Variants in HTR1F observed in about 807,000 individuals in gnomAD.
HTR1F encodes 5-hydroxytryptamine (serotonin) receptor 1F, G protein-coupled.
A neutral mutation model predicts 24.0 loss-of-function variants in HTR1F; 17 were observed. The observed-to-expected ratio is 0.71, with a 90% CI of 0.48 to 1.06. The LOEUF (loss-of-function observed/expected upper bound fraction) is 1.06, where lower values mean the gene tolerates loss of function less well. HTR1F is among the 50% of genes least tolerant of loss of function. HTR1F has a pLI of 0.00. For synonymous variants in HTR1F, 186 were observed against 156.8 expected (o/e 1.19, Z -1.39); for missense variants, 391 against 427.8 (o/e 0.91, Z 0.76).
chr3:87,843,857 G>A (rs536005909), intron 2 of HTR1F, among the ~76,000 whole-genome samples: 18 of 151,656 alleles, frequency 1.2e-4, no homozygotes, highest in Non-Finnish European at 2.4e-4. Context: ...GGACATGAAC[G>A]CATCATTTTT....
At chr3:87,907,373 A>AT (rs35373313) in intron 2 of HTR1F, among the ~76,000 whole-genome samples, 47,215 of 146,178 alleles carry the variant, frequency 0.32, 7,871 homozygotes, top group African/African-American at 0.45. Context: ...TTTTGAAGGG[A>AT]TTTTTTTTTT....
chr3:87,932,170 G>C (rs1704292161), intron 2 of HTR1F, among the ~76,000 whole-genome samples: 1 of 151,994 alleles, frequency 6.6e-6, no homozygotes, highest in Non-Finnish European at 1.5e-5. Context: ...GGGTTTTTAT[G>C]GTTTTAGGTC....
rs72915670 is a variant in HTR1F, at chr3:87,957,612, T to G, written c.-42-33096T>G. On this transcript the variant is annotated intron_variant, in intron 2 of 2. Transcript: ENST00000319595. ...TAAGGTTCTCCAGCTTATCTATTTA[T>G]TTTTCAGTAAACTTTAGTACTTTGC... 4.9e-3 allele frequency among the ~76,000 whole-genome samples: 742 copies of G among 151,586 alleles called. 2 individuals are homozygous for G. The highest frequency in any genetic ancestry group is 0.017 in the African/African-American group (717 of 41,494).
At chr3:87,839,771 T>G (rs1360710830) in intron 2 of HTR1F, among the ~76,000 whole-genome samples, 2 of 152,112 alleles carry the variant, frequency 1.3e-5, no homozygotes, top group East Asian at 3.9e-4. Context: ...CTCCCCCATC[T>G]TGTATTCTCC....
At chr3:87,931,337 T>A (rs1704266384) in intron 2 of HTR1F, among the ~76,000 whole-genome samples, 1 of 152,190 alleles carries the variant, frequency 6.6e-6, no homozygotes, top group Non-Finnish European at 1.5e-5. Flanking sequence ...CTTAGAATGA[T>A]GATTTCCAAT....
rs559082962 is a variant in HTR1F, at chr3:87,823,124, T to C, written c.-43+1000T>C. Among the ~76,000 whole-genome samples, 4 of 152,322 alleles carry C rather than the reference T, an allele frequency of 2.6e-5. No homozygotes were observed. In the South Asian group the frequency reaches 8.3e-4, roughly 32 times the overall value. ...TTTTTAAGAGACAGCATGACATATA[T>C]CATGTAAGCTACTGTCACAAAGCTA... On this transcript the variant is annotated intron_variant, in intron 2 of 2. Coordinates refer to ENST00000319595, the MANE Select transcript of HTR1F (RefSeq NM_001322209.2).
At chr3:87,989,289 T>G (rs1203328824) in intron 2 of HTR1F, among the ~76,000 whole-genome samples, 1 of 152,210 alleles carries the variant, frequency 6.6e-6, no homozygotes, top group Non-Finnish European at 1.5e-5. Context: ...GTCATTACAA[T>G]GGTGACTTAT....
At chr3:87,925,704 T>C (rs1461061572) in intron 2 of HTR1F, among the ~76,000 whole-genome samples, 1 of 152,114 alleles carries the variant, frequency 6.6e-6, no homozygotes, top group African/African-American at 2.4e-5. Context: ...ACTCCAGGGA[T>C]CTTCTTATAT....
In HTR1F at chr3:87,874,375, AAC is replaced by A. The variant is rs569141384; in HGVS notation, c.-43+52253_-43+52254del. 6.6e-5 allele frequency among the ~76,000 whole-genome samples: 10 copies of A among 152,282 alleles called. No homozygotes were observed. In the South Asian group the frequency reaches 2.1e-3, roughly 32 times the overall value. On this transcript the variant is annotated intron_variant, in intron 2 of 2. Transcript: ENST00000319595. Reference sequence around the variant, plus strand: ...AACAATCTGAAAATGAAATTAAGAAAACAGTCCCACTTACCATAGCATCACAA... The same window carrying A: ...AACAATCTGAAAATGAAATTAAGAAAAGTCCCACTTACCATAGCATCACAA...
chr3:87,945,218 C>A (rs1704669335), intron 2 of HTR1F, among the ~76,000 whole-genome samples: 1 of 151,926 alleles, frequency 6.6e-6, no homozygotes, highest in South Asian at 2.1e-4. Flanking sequence ...CACATAACTG[C>A]CCATGTCGAG....
intron 1 of HTR1F, among the ~76,000 whole-genome samples, chr3:87,800,179 C>T (rs758871881): frequency 6.6e-6 from 1 of 152,138 alleles, no homozygotes; most frequent in Non-Finnish European, 1.5e-5. Flanking sequence ...CTGTCTCATG[C>T]TTAAAATCCT....
chr3:87,888,258 G>A (rs1706001983), intron 2 of HTR1F, among the ~76,000 whole-genome samples: 2 of 152,128 alleles, frequency 1.3e-5, no homozygotes, highest in African/African-American at 4.8e-5. Context: ...TCATAGGTGT[G>A]AATTGAACAA....
chr3:87,813,216 T>C (rs1704190035), intron 1 of HTR1F, among the ~76,000 whole-genome samples: 1 of 152,048 alleles, frequency 6.6e-6, no homozygotes, highest in South Asian at 2.1e-4. Flanking sequence ...AAGAGCTACC[T>C]AAGGCTGTGG....
chr3:87,850,300 C>G (rs904441113), intron 2 of HTR1F, among the ~76,000 whole-genome samples: 33 of 151,860 alleles, frequency 2.2e-4, no homozygotes, highest in Non-Finnish European at 4.1e-4. Flanking sequence ...GAGTTCATGT[C>G]CTTTGTAGGG....
chr3:87,797,797 T>C (rs1159205873), intron 1 of HTR1F, among the ~76,000 whole-genome samples: 1 of 152,160 alleles, frequency 6.6e-6, no homozygotes, highest in East Asian at 1.9e-4. Context: ...AGACTTGTTT[T>C]TAAAATGGGA....
chr3:87,803,106 T>C (rs751996534), intron 1 of HTR1F, among the ~76,000 whole-genome samples: 4 of 152,126 alleles, frequency 2.6e-5, no homozygotes, highest in Admixed American at 6.5e-5. Context: ...GAACCTGGAT[T>C]TCAAATGCTC....
At chr3:87,870,766 G>A (rs1194639882) in intron 2 of HTR1F, among the ~76,000 whole-genome samples, 1 of 152,022 alleles carries the variant, frequency 6.6e-6, no homozygotes, top group Admixed American at 6.6e-5. Context: ...ACCACAGATA[G>A]GTGCTAGAAG....
chr3:87,961,819 T>C (rs1309828544), intron 2 of HTR1F, among the ~76,000 whole-genome samples: 1 of 148,926 alleles, frequency 6.7e-6, no homozygotes, highest in Non-Finnish European at 1.5e-5. Flanking sequence ...AAAAAAAGAA[T>C]AAAAGGTTTA....
At chr3:87,803,773 G>GAA (rs1704031192) in intron 1 of HTR1F, among the ~76,000 whole-genome samples, 1 of 152,078 alleles carries the variant, frequency 6.6e-6, no homozygotes, top group South Asian at 2.1e-4. Context: ...GAATAATATA[G>GAA]AACTACATAT....
Sources: allele counts gnomAD v4.1 joint callset (sites outside exome capture counted in the v4.1 genomes callset), GRCh38; gene constraint gnomAD v4.1.1; transcripts MANE v1.5; gene names NCBI Gene and HGNC (gene_info 2026-07-23, HGNC 2026-07-21).